DTNB: variants seen among roughly 807,000 people sequenced by gnomAD.
DTNB encodes the protein dystrobrevin beta, also known as DTN-B.
In DTNB, 63 loss-of-function variants were observed where a neutral mutation model predicts 90.7. The ratio of observed to expected loss-of-function variants is 0.69; its 90% confidence interval spans 0.57 to 0.86. The LOEUF is 0.86. Ranked by LOEUF, DTNB falls within the 40% of genes least tolerant of loss-of-function variation. The pLI is 0.00. For synonymous variants in DTNB, 277 were observed against 286.7 expected (o/e 0.97, Z 0.34); for missense variants, 744 against 807.1 (o/e 0.92, Z 0.95).
At chr2:25,400,366 G>A (rs2043405516) in intron 16 of DTNB, among the ~76,000 whole-genome samples, 1 of 152,206 alleles carries the variant, frequency 6.6e-6, no homozygotes, top group African/African-American at 2.4e-5. Flanking sequence ...AGCACAGATG[G>A]GCTTTATGTT....
intron 15 of DTNB, among the ~76,000 whole-genome samples, chr2:25,423,732 T>C (rs2050582966): frequency 1.3e-5 from 2 of 151,776 alleles, no homozygotes; most frequent in Non-Finnish European, 2.9e-5. Flanking sequence ...TGATCTCGGC[T>C]CACTGCAACC....
At chr2:25,441,349 T>C (rs951629733) in intron 12 of DTNB, among the ~76,000 whole-genome samples, 2 of 152,218 alleles carry the variant, frequency 1.3e-5, no homozygotes, top group African/African-American at 4.8e-5. Flanking sequence ...GGCCCTTGGA[T>C]TGCTTTAATT....
chr2:25,526,396 T>TATATATATATATATATA (rs1491443224), intron 9 of DTNB, among the ~76,000 whole-genome samples: 1 of 34,974 alleles, frequency 2.9e-5, no homozygotes, highest in African/African-American at 1.7e-4. Flanking sequence ...TATATATATA[T>TATATATATATATATATA]TTTTTTTTTT....
chr2:25,486,333 G>C (rs919565236), intron 9 of DTNB, among the ~76,000 whole-genome samples: 2 of 151,920 alleles, frequency 1.3e-5, no homozygotes, highest in African/African-American at 4.8e-5. Flanking sequence ...GTGTGGCGGC[G>C]CATGCTCGCA....
At chr2:25,388,591 G>C in intron 16 of DTNB, 5 of 520,348 alleles carry the variant, frequency 9.6e-6, no homozygotes, top group Non-Finnish European at 1.6e-5. Flanking sequence ...CTAAGAACAA[G>C]ACCAAGAATG....
Position 25,415,591 on chromosome 2 carries a change from C to G in DTNB, c.1575+3924G>C, listed in dbSNP as rs2047711256. ...GGACTGGTTGCCAGAAAGACCACGG[C>G]ATTATTAGAGGGTTGAAAGTTTCAG... is the stretch of plus-strand genomic sequence containing the variant. On this transcript the variant is annotated intron_variant, in intron 16 of 20. Coordinates refer to ENST00000406818, the MANE Select transcript of DTNB (RefSeq NM_021907.5). Among the ~76,000 whole-genome samples, 3 of 152,098 alleles carry G rather than the reference C, an allele frequency of 2.0e-5. No homozygotes were observed. The South Asian group carries it at 6.2e-4, about 32-fold the overall frequency.
intron 10 of DTNB, among the ~76,000 whole-genome samples, chr2:25,477,603 C>G (rs1010638061): frequency 9.2e-5 from 14 of 151,860 alleles, no homozygotes; most frequent in African/African-American, 2.9e-4. Context: ...AACAACTGAA[C>G]AAAACAGAAT....
At chr2:25,638,832 A>C (rs1323869069) in intron 3 of DTNB, among the ~76,000 whole-genome samples, 182 bp downstream of exon 3, 1 of 152,244 alleles carries the variant, frequency 6.6e-6, no homozygotes, top group Non-Finnish European at 1.5e-5. Context: ...TGAGTTTGTT[A>C]AACATTTTGA....
chr2:25,604,327 G>C (rs1414806024), intron 5 of DTNB, among the ~76,000 whole-genome samples: 1 of 152,250 alleles, frequency 6.6e-6, no homozygotes, highest in Non-Finnish European at 1.5e-5. Flanking sequence ...ATCCTTAAGA[G>C]ATGAAAATGT....
chr2:25,427,592 C>A lies in DTNB; in HGVS notation c.1497G>T (p.Leu499=). The change falls in exon 15 of 21, where the codon CTG becomes CTT. Residue 499 remains leucine, a synonymous_variant. Transcript: ENST00000406818. ...CCATCAGCTCCCGCCTGCTCTCCTG[C>A]AGGGCCGACATCCTCTGCTCCAGTT... ...KDELEQRMSA[L]QESRRELMVQ... 6.2e-7 allele frequency: 1 copy of A among 1,613,720 alleles called. No individual in the cohort carries two copies. The highest frequency in any genetic ancestry group is 8.5e-7 in the Non-Finnish European group (1 of 1,179,842).
At chr2:25,630,467 C>G (rs2075412928) in intron 3 of DTNB, among the ~76,000 whole-genome samples, 1 of 152,094 alleles carries the variant, frequency 6.6e-6, no homozygotes, top group Non-Finnish European at 1.5e-5. Context: ...TGAAAACAAC[C>G]CAAATGTCCA....
chr2:25,658,410 G>A (rs896126501), intron 1 of DTNB, among the ~76,000 whole-genome samples: 2 of 152,146 alleles, frequency 1.3e-5, no homozygotes, highest in African/African-American at 4.8e-5. Context: ...TCCAATAATT[G>A]CACTGCTAGG....
chr2:25,461,566 A>T (rs1319295531), intron 10 of DTNB, among the ~76,000 whole-genome samples: 1 of 152,212 alleles, frequency 6.6e-6, no homozygotes, highest in Non-Finnish European at 1.5e-5. Context: ...AAGAATTCCT[A>T]AACTGTCAAA....
rs146251976 is a variant in DTNB at position 25,570,406 on chromosome 2, C to CAAA, written c.876+6429_876+6431dup. ...TGGACAATAGAGTGGTTTCCTGTCT[C>CAAA]AAAAAAAAAAAAAAAAAAAAAAAAA... On this transcript the variant is annotated intron_variant, in intron 8 of 20. Coordinates refer to ENST00000406818, the MANE Select transcript of DTNB (RefSeq NM_021907.5). Among the ~76,000 whole-genome samples the CAAA allele has an allele frequency of 9.1e-3, 809 of 89,184 alleles. 19 individuals carry two copies. The highest frequency in any genetic ancestry group is 0.028 in the African/African-American group (553 of 19,574). 58.5% of individuals were successfully genotyped at this position (89,184 alleles called of 152,430 possible).
chr2:25,638,621 G>A (rs1442618961), intron 3 of DTNB, among the ~76,000 whole-genome samples: 3 of 152,172 alleles, frequency 2.0e-5, no homozygotes, highest in Non-Finnish European at 4.4e-5. Context: ...AGAAAAGGTT[G>A]ATTCATGTTA....
In DTNB at chr2:25,543,916, T is replaced by A. The variant is rs534973062; in HGVS notation, c.877-12319A>T. Among the ~76,000 whole-genome samples, 867 of 152,320 alleles carry A rather than the reference T, an allele frequency of 5.7e-3. 3 individuals are homozygous for A. Among genetic ancestry groups the A allele is most frequent in the Non-Finnish European group, 0.01 (698 of 68,030 alleles). On this transcript the variant is annotated intron_variant, in intron 8 of 20. Transcript: ENST00000406818. ...TCTCAAAATAGTTTTATGAATTAGA[T>A]GTTAACATATAGGCACAGAAATTAA...
intron 8 of DTNB, chr2:25,558,065 C>T (rs953692368): frequency 3.0e-6 from 1 of 333,690 alleles, no homozygotes; most frequent in African/African-American, 2.2e-5. Flanking sequence ...AGAAGGTGTG[C>T]AAGAGAATGC....
intron 9 of DTNB, among the ~76,000 whole-genome samples, chr2:25,489,968 CA>C (rs1558739403): frequency 6.6e-6 from 1 of 152,068 alleles, no homozygotes. Context: ...ACAAATGACT[CA>C]AAAGAAATTT....
chr2:25,592,731 G>A (rs928338521), intron 6 of DTNB, among the ~76,000 whole-genome samples: 35 of 152,178 alleles, frequency 2.3e-4, no homozygotes, highest in African/African-American at 8.4e-4. Context: ...ATAATGGAAA[G>A]GTGCGCAGAG....
Sources: allele counts gnomAD v4.1 joint callset (sites outside exome capture counted in the v4.1 genomes callset), GRCh38; gene constraint gnomAD v4.1.1; transcripts MANE v1.5; gene names NCBI Gene and HGNC (gene_info 2026-07-23, HGNC 2026-07-21).